The following TLE4 variants were observed in gnomAD, a reference collection of about 807,000 sequenced individuals.
The protein encoded by TLE4 is TLE family member 4, transcriptional corepressor, also known as transducin-like enhancer protein 4.
A neutral mutation model predicts 92.8 loss-of-function variants in TLE4; 8 were observed. That is an observed-to-expected ratio of 0.09 (90% CI 0.05 to 0.16). The LOEUF (loss-of-function observed/expected upper bound fraction) is 0.16. Among genes scored for constraint, TLE4 ranks in the 10% least tolerant of loss-of-function variants. The pLI is 1.00. For synonymous variants in TLE4, 371 were observed against 374.1 expected (o/e 0.99, Z 0.10); for missense variants, 675 against 997.6 (o/e 0.68, Z 4.36).
chr9:79,694,380 G>C (rs2067747204), intron 8 of TLE4, among the ~76,000 whole-genome samples: 2 of 152,148 alleles, frequency 1.3e-5, no homozygotes, highest in African/African-American at 4.8e-5. Flanking sequence ...GAGTGCTCTT[G>C]TCTGGTTAGA....
At chr9:79,618,354 C>A (rs1239696894) in intron 5 of TLE4, among the ~76,000 whole-genome samples, 3 of 152,180 alleles carry the variant, frequency 2.0e-5, no homozygotes, top group Non-Finnish European at 4.4e-5. Context: ...ATAGAAGTCT[C>A]TTCCTTACCA....
rs547954405 is a variant in TLE4 at position 79,573,587 on chromosome 9, CGAT to C, written c.46-99_46-97del. On this transcript the variant is annotated intron_variant, in intron 1 of 19. Transcript: ENST00000376552. ...TTTAATCTCTCTTTGCTTGCGTGCG[CGAT>C]GACCCTCACCCCCCGCTAACGCCGC... The C allele has an allele frequency of 1.3e-4, 130 of 972,572 alleles. 1 individual carries two copies. The East Asian group carries it at 3.6e-3, about 27-fold the overall frequency. 60.2% of individuals were successfully genotyped at this position (972,572 alleles called of 1,614,324 possible). A position where few individuals can be genotyped will look rare whatever the true frequency, so the allele number is the denominator to read the frequency against.
At chr9:79,655,022 G>GC (rs2059577989) in intron 8 of TLE4, among the ~76,000 whole-genome samples, 1 of 152,108 alleles carries the variant, frequency 6.6e-6, no homozygotes, top group South Asian at 2.1e-4. Flanking sequence ...TGCGCCTGTA[G>GC]CCCCAGCTAC....
intron 5 of TLE4, among the ~76,000 whole-genome samples, chr9:79,625,274 C>T (rs909321830): frequency 1.5e-4 from 23 of 152,070 alleles, no homozygotes; most frequent in African/African-American, 5.1e-4. Flanking sequence ...CCGCCTCGGC[C>T]TCCCAAAGTG....
intron 6 of TLE4, among the ~76,000 whole-genome samples, chr9:79,628,036 A>G (rs1166343898): frequency 6.6e-6 from 1 of 152,098 alleles, no homozygotes; most frequent in Non-Finnish European, 1.5e-5. Flanking sequence ...TTGTGCTGGA[A>G]TTCATGGATT....
chr9:79,587,780 A>G (rs961698050), intron 4 of TLE4, among the ~76,000 whole-genome samples: 1 of 152,234 alleles, frequency 6.6e-6, no homozygotes, highest in South Asian at 2.1e-4. Context: ...CAGTAAGTAC[A>G]TATAGTTAAC....
chr9:79,664,983 A>G (rs925835162), intron 8 of TLE4, among the ~76,000 whole-genome samples: 8 of 151,984 alleles, frequency 5.3e-5, no homozygotes, highest in African/African-American at 1.9e-4. Flanking sequence ...TTCACGATGG[A>G]TGTAGTCTAT....
chr9:79,700,718 G>C (rs889355102), intron 8 of TLE4, among the ~76,000 whole-genome samples: 1 of 151,864 alleles, frequency 6.6e-6, no homozygotes, highest in Non-Finnish European at 1.5e-5. Flanking sequence ...AAATATCCCA[G>C]CATAAGTGTT....
At position 79,643,778 on chromosome 9, in the gene TLE4, T is replaced by C. The variant is rs186550457; in HGVS notation, c.391-8815T>C. Among the ~76,000 whole-genome samples the C allele has an allele frequency of 7.2e-5, 11 of 152,370 alleles. No homozygotes were observed. The East Asian group carries it at 1.7e-3, about 24-fold the overall frequency. The stretch of plus-strand genomic sequence containing the variant: ...AATAACCTGTTTCCCTGCAACTTTT[T>C]ACCCAGTGGTTGTAATATCGATGGT... On this transcript the variant is annotated intron_variant, in intron 6 of 19. Coordinates refer to ENST00000376552, the MANE Select transcript of TLE4 (RefSeq NM_007005.6).
rs74332809 is a variant in TLE4, at chr9:79,688,333, C to A, written c.610-16450C>A. 6.0e-3 allele frequency among the ~76,000 whole-genome samples: 909 copies of A among 152,132 alleles called. 8 individuals are homozygous for A. The highest frequency in any genetic ancestry group is 0.041 in the East Asian group (209 of 5,134). ...TGTTTCCCTTGGTTATCTGCCATTC[C>A]TTCATTTCACAGTAATGGTAGATTT... On this transcript the variant is annotated intron_variant, in intron 8 of 19. Transcript: ENST00000376552.
intron 11 of TLE4, among the ~76,000 whole-genome samples, chr9:79,707,422 T>C (rs2071948679): frequency 6.6e-6 from 1 of 152,242 alleles, no homozygotes; most frequent in African/African-American, 2.4e-5. Context: ...CCTATTCTTC[T>C]GTGGCTGTGT....
intron 4 of TLE4, among the ~76,000 whole-genome samples, chr9:79,585,260 T>G (rs774855626): frequency 1.6e-4 from 25 of 152,356 alleles, no homozygotes; most frequent in Non-Finnish European, 2.4e-4. Flanking sequence ...AGTAGTAGTA[T>G]TATTTCCATT....
At chr9:79,690,890 C>T (rs2066938420) in intron 8 of TLE4, among the ~76,000 whole-genome samples, 1 of 151,146 alleles carries the variant, frequency 6.6e-6, no homozygotes, top group Non-Finnish European at 1.5e-5. Context: ...CCTGCCTCAG[C>T]CTCCCGAAGC....
intron 8 of TLE4, among the ~76,000 whole-genome samples, chr9:79,692,112 T>G (rs1432642954): frequency 6.6e-6 from 1 of 152,158 alleles, no homozygotes; most frequent in East Asian, 1.9e-4. Flanking sequence ...CCACTCACTT[T>G]AGAGCACTTT....
intron 11 of TLE4, chr9:79,707,205 G>T (rs116420758): frequency 1.2e-6 from 2 of 1,612,598 alleles, no homozygotes; most frequent in South Asian, 2.2e-5. Context: ...TGGTTTTGTC[G>T]CCTGTGGTTT....
At chr9:79,632,020 T>C (rs545303724) in intron 6 of TLE4, among the ~76,000 whole-genome samples, 1 of 152,300 alleles carries the variant, frequency 6.6e-6, no homozygotes, top group East Asian at 1.9e-4. Flanking sequence ...GCCCACCGTG[T>C]ACCCCTCAGT....
chr9:79,693,168 C>G lies in TLE4; in HGVS notation c.610-11615C>G, dbSNP rs1230213388. Among the ~76,000 whole-genome samples the G allele has an allele frequency of 1.1e-4, 16 of 152,122 alleles. No individual in the cohort carries two copies. In the East Asian group the frequency reaches 3.1e-3, roughly 29 times the overall value. ...CACAGAATAGCTATTCAACTTATGT[C>G]ACGGGATTCTTCTGGTATTACAACG... is the stretch of plus-strand genomic sequence containing the variant. On this transcript the variant is annotated intron_variant, in intron 8 of 19. Transcript: ENST00000376552.
At chr9:79,578,396 G>A (rs902654077) in intron 4 of TLE4, among the ~76,000 whole-genome samples, 1 of 152,136 alleles carries the variant, frequency 6.6e-6, no homozygotes, top group African/African-American at 2.4e-5. Context: ...TTTGGTTAAC[G>A]TTCCTGTTCT....
chr9:79,602,189 A>T lies in TLE4; in HGVS notation c.253-10467A>T, dbSNP rs118169630. Among the ~76,000 whole-genome samples the T allele has an allele frequency of 5.0e-3, 756 of 152,348 alleles. 6 individuals are homozygous for T. Among genetic ancestry groups the T allele is most frequent in the Admixed American group, 0.014 (217 of 15,304 alleles). On this transcript the variant is annotated intron_variant, in intron 4 of 19. Transcript: ENST00000376552. ...TGAAAGAAACCATCTCCATAATGTG[A>T]AAGTACAAAGTGAAGCGGCAAGTAC...
Sources: allele counts gnomAD v4.1 joint callset (sites outside exome capture counted in the v4.1 genomes callset), GRCh38; gene constraint gnomAD v4.1.1; transcripts MANE v1.5; gene names NCBI Gene and HGNC (gene_info 2026-07-23, HGNC 2026-07-21).